The following ZNF420 variants were observed in gnomAD, a reference collection of about 807,000 sequenced individuals.
The protein encoded by ZNF420 is zinc finger protein 420.
A neutral mutation model predicts 44.7 loss-of-function variants in ZNF420; 31 were observed. The observed-to-expected ratio is 0.69, with a 90% CI of 0.52 to 0.94. ZNF420 has a LOEUF of 0.94. Among genes scored for constraint, ZNF420 ranks in the 40% least tolerant of loss-of-function variants. ZNF420 has a pLI of 0.00. For synonymous variants in ZNF420, 245 were observed against 267.4 expected (o/e 0.92, Z 0.82); for missense variants, 681 against 827.9 (o/e 0.82, Z 2.18).
intron 2 of ZNF420, among the ~76,000 whole-genome samples, chr19:37,084,535 G>A (rs1389163798): frequency 6.6e-6 from 1 of 151,930 alleles, no homozygotes; most frequent in Non-Finnish European, 1.5e-5. Flanking sequence ...ATGGTTATTT[G>A]GCCTCAAAAT....
intron 4 of ZNF420, among the ~76,000 whole-genome samples, chr19:37,099,723 A>G (rs996011311): frequency 6.6e-6 from 1 of 152,132 alleles, no homozygotes; most frequent in African/African-American, 2.4e-5. Flanking sequence ...TGCCAGGTTC[A>G]AGTGATTCTC....
upstream of ZNF420, among the ~76,000 whole-genome samples, chr19:37,075,449 AAGAG>A (rs1255216242): frequency 2.6e-5 from 4 of 152,062 alleles, no homozygotes; most frequent in Non-Finnish European, 5.9e-5. Flanking sequence ...ACCTTGCTAA[AAGAG>A]AGAGAGAGGC....
At chr19:37,022,888 A>G (rs2074660163) in intron 1 of ZNF420, among the ~76,000 whole-genome samples, 1 of 152,228 alleles carries the variant, frequency 6.6e-6, no homozygotes, top group African/African-American at 2.4e-5. Flanking sequence ...CTGTAATCCC[A>G]GCACTTTGGG....
In ZNF420 at chr19:37,046,269, A is replaced by G. The variant is rs578187798; in HGVS notation, c.-124-34076A>G. 2.0e-5 allele frequency among the ~76,000 whole-genome samples: 3 copies of G among 152,364 alleles called. No individual in the cohort carries two copies. The South Asian group carries it at 6.2e-4, about 32-fold the overall frequency. ...AACCACTTTGGAAAACAATAGGATTATCTTATAAAGTTGAGCATTCTCATA... is the reference window on the plus strand; with the variant it reads ...AACCACTTTGGAAAACAATAGGATTGTCTTATAAAGTTGAGCATTCTCATA... On this transcript the variant is annotated intron_variant, in intron 1 of 4. Coordinates refer to the ZNF420 transcript ENST00000587029.
At chr19:37,029,643 A>G (rs1265642936) in intron 1 of ZNF420, among the ~76,000 whole-genome samples, 2 of 150,582 alleles carry the variant, frequency 1.3e-5, no homozygotes, top group Non-Finnish European at 3.0e-5. Flanking sequence ...AGCCTCCCAG[A>G]TTCAAGTAGC....
intron 1 of ZNF420, among the ~76,000 whole-genome samples, chr19:37,059,401 G>A (rs904029470): frequency 6.6e-6 from 1 of 152,238 alleles, no homozygotes; most frequent in African/African-American, 2.4e-5. Flanking sequence ...GATTCTCACC[G>A]TTGTCTTAGA....
At chr19:37,015,690 G>T (rs1315723659) in intron 1 of ZNF420, among the ~76,000 whole-genome samples, 1 of 152,198 alleles carries the variant, frequency 6.6e-6, no homozygotes, top group African/African-American at 2.4e-5. Context: ...TGTCAAAGAA[G>T]CTGGTTCCAA....
chr19:37,039,701 C>CTTTTTTTTT, intron 1 of ZNF420, among the ~76,000 whole-genome samples: 1 of 143,746 alleles, frequency 7.0e-6, no homozygotes, highest in Non-Finnish European at 1.5e-5. Context: ...ATGTTTCTTT[C>CTTTTTTTTT]TTTTTTTTTT....
At chr19:37,104,032 C>T (rs1300353426) in intron 4 of ZNF420, among the ~76,000 whole-genome samples, 1 of 148,878 alleles carries the variant, frequency 6.7e-6, no homozygotes, top group Non-Finnish European at 1.5e-5. Flanking sequence ...GCACAACGTG[C>T]AGGTTTGTTA....
At chr19:37,104,788 G>A (rs1437626124) in intron 4 of ZNF420, among the ~76,000 whole-genome samples, 2 of 152,090 alleles carry the variant, frequency 1.3e-5, no homozygotes, top group African/African-American at 4.8e-5. Context: ...GTGTCTGTTG[G>A]CTACATAAAT....
chr19:37,083,370 AG>A (rs1968580164), intron 2 of ZNF420, among the ~76,000 whole-genome samples: 1 of 152,172 alleles, frequency 6.6e-6, no homozygotes, highest in African/African-American at 2.4e-5. Context: ...ATATCTATAA[AG>A]GGAGCCATCC....
At chr19:37,093,752 C>T (rs572351477) in intron 4 of ZNF420, among the ~76,000 whole-genome samples, 12 of 152,266 alleles carry the variant, frequency 7.9e-5, no homozygotes, top group South Asian at 6.2e-4. Flanking sequence ...ATGAAACGTC[C>T]TCAATAGGGA....
At chr19:37,071,671 C>T (rs962102565) in intron 1 of ZNF420, among the ~76,000 whole-genome samples, 6 of 151,948 alleles carry the variant, frequency 3.9e-5, no homozygotes, top group African/African-American at 1.2e-4. Context: ...CATGGTGGTG[C>T]GCACCTGTAG....
At chr19:37,106,873 CG>C (rs1970118346) in intron 4 of ZNF420, 2 of 151,620 alleles carry the variant, frequency 1.3e-5, no homozygotes, top group African/African-American at 2.4e-5. Flanking sequence ...AGAGGGTCAG[CG>C]GGAAAACATG....
chr19:37,011,042 G>A (rs1411364968), intron 1 of ZNF420, among the ~76,000 whole-genome samples: 2 of 152,194 alleles, frequency 1.3e-5, no homozygotes, highest in African/African-American at 2.4e-5. Flanking sequence ...CCTCCCCTCA[G>A]CCTGTGGCGG....
chr19:37,020,261 C>G (rs1333342029), intron 1 of ZNF420, among the ~76,000 whole-genome samples: 31 of 151,656 alleles, frequency 2.0e-4, no homozygotes, highest in Admixed American at 2.0e-3. Flanking sequence ...TAAAAACTGC[C>G]TAAATCCAGC....
At chr19:37,071,148 T>C (rs1422759236) in intron 1 of ZNF420, among the ~76,000 whole-genome samples, 1 of 152,206 alleles carries the variant, frequency 6.6e-6, no homozygotes, top group Non-Finnish European at 1.5e-5. Flanking sequence ...ATGTTCGTAA[T>C]AGAACTATAA....
upstream of ZNF420, chr19:37,077,956 C>T (rs1968201864): frequency 6.5e-6 from 1 of 153,028 alleles, no homozygotes; most frequent in Non-Finnish European, 1.5e-5. Flanking sequence ...CCATACACAC[C>T]CGGCCACGGA....
intron 1 of ZNF420, among the ~76,000 whole-genome samples, chr19:37,072,932 G>T: frequency 6.6e-6 from 1 of 152,106 alleles, no homozygotes; most frequent in Non-Finnish European, 1.5e-5. Flanking sequence ...GAAAAAAACA[G>T]ATTACAAAAT....
Sources: allele counts gnomAD v4.1 joint callset (sites outside exome capture counted in the v4.1 genomes callset), GRCh38; gene constraint gnomAD v4.1.1; transcripts MANE v1.5; gene names NCBI Gene and HGNC (gene_info 2026-07-23, HGNC 2026-07-21).